The following TTLL8 variants were observed in gnomAD, a reference collection of about 807,000 sequenced individuals.
TTLL8 encodes protein monoglycylase TTLL8.
Under a neutral mutation model 77.8 loss-of-function variants are expected in TTLL8, and 65 were observed. The observed-to-expected ratio is 0.84, with a 90% CI of 0.68 to 1.03. The LOEUF is 1.03. TTLL8 is among the 50% of genes least tolerant of loss of function. The pLI, the probability that TTLL8 is intolerant of heterozygous loss-of-function variation, is 0.00. For synonymous variants in TTLL8, 402 were observed against 422.8 expected (o/e 0.95, Z 0.60); for missense variants, 910 against 1,004.5 (o/e 0.91, Z 1.27).
In TTLL8 at chr22:50,043,237, GGATA is replaced by G. The variant is rs372461866; in HGVS notation, c.644-1434_644-1431del. Among the ~76,000 whole-genome samples the G allele has an allele frequency of 4.8e-3, 724 of 151,500 alleles. 3 individuals carry two copies. The highest frequency in any genetic ancestry group is 0.014 in the Middle Eastern group (4 of 292). ...GGTGCCGACATGTCCTTCAGTAGATGGATAGATAGATAAACAGTGGTGCCGAGAC... is the reference window on the plus strand; with the variant it reads ...GGTGCCGACATGTCCTTCAGTAGATGGATAGATAAACAGTGGTGCCGAGAC... On this transcript the variant is annotated intron_variant, in intron 6 of 13. Coordinates refer to ENST00000266182, the Ensembl canonical transcript of TTLL8.
chr22:50,055,431 A>T (rs1281871509), upstream of TTLL8: 1 of 784,568 alleles, frequency 1.3e-6, no homozygotes, highest in Admixed American at 3.2e-5. Context: ...AGGTGGTTGG[A>T]TCACCTGAGG....
intron 1 of TTLL8, among the ~76,000 whole-genome samples, chr22:50,050,660 C>A (rs1363659036): frequency 1.3e-5 from 2 of 152,154 alleles, no homozygotes; most frequent in Admixed American, 6.5e-5. Flanking sequence ...TTGGCACCAC[C>A]ACCCAGCCCT....
chr22:50,043,098 G>A (rs910098293), intron 6 of TTLL8, among the ~76,000 whole-genome samples: 2 of 151,950 alleles, frequency 1.3e-5, no homozygotes, highest in African/African-American at 4.8e-5. Context: ...GACGTCCTTC[G>A]GTAGATGGAT....
chr22:50,032,432 A>G (rs559479461), intron 10 of TTLL8, among the ~76,000 whole-genome samples: 1 of 152,302 alleles, frequency 6.6e-6, no homozygotes, highest in East Asian at 1.9e-4. Context: ...GACCCCCTCC[A>G]GGCCCACTTG....
intron 12 of TTLL8, among the ~76,000 whole-genome samples, chr22:50,022,139 A>AATG (rs1569218408): frequency 1.6e-5 from 2 of 127,486 alleles, no homozygotes; most frequent in African/African-American, 2.9e-5. Flanking sequence ...TCCATCTGAC[A>AATG]TGCACTCCTC....
At chr22:50,025,498 G>T (rs1378743319) in intron 12 of TTLL8, among the ~76,000 whole-genome samples, 1 of 152,100 alleles carries the variant, frequency 6.6e-6, no homozygotes, top group African/African-American at 2.4e-5. Flanking sequence ...AATTAGCTGG[G>T]CATGGTGGTG....
upstream of TTLL8, among the ~76,000 whole-genome samples, chr22:50,056,386 C>A (rs976664371): frequency 4.6e-5 from 7 of 151,900 alleles, no homozygotes; most frequent in African/African-American, 1.7e-4. The surrounding 1 kb of genome is among the most constrained non-coding windows in gnomAD (Gnocchi z 4.1). Flanking sequence ...GCGAGGACAC[C>A]CACTGCGGGT....
intron 8 of TTLL8, among the ~76,000 whole-genome samples, chr22:50,040,127 C>G (rs1393574008): frequency 1.3e-5 from 2 of 149,724 alleles, no homozygotes; most frequent in Non-Finnish European, 3.0e-5. Flanking sequence ...ACGGACCTCA[C>G]AGACCTCACA....
intron 2 of TTLL8, 23 bp from the exon 5 acceptor site, chr22:50,049,345 G>T (rs761872133): frequency 1.5e-6 from 2 of 1,366,994 alleles, no homozygotes; most frequent in South Asian, 2.3e-5. Flanking sequence ...CACAGGGGAG[G>T]CCTGAACATG....
At chr22:50,040,083 C>G (rs955420815) in intron 8 of TTLL8, among the ~76,000 whole-genome samples, 1 of 127,494 alleles carries the variant, frequency 7.8e-6, no homozygotes, top group East Asian at 2.7e-4. Flanking sequence ...CTCACATGTG[C>G]CAGCATGGAT....
At chr22:50,054,989 G>A (rs553848737), upstream of TTLL8, among the ~76,000 whole-genome samples, 1 of 152,302 alleles carries the variant, frequency 6.6e-6, no homozygotes, top group African/African-American at 2.4e-5. Context: ...GAACCCGGGA[G>A]GCAGAGGTTG....
intron 8 of TTLL8, among the ~76,000 whole-genome samples, chr22:50,035,967 G>T (rs1367543557): frequency 6.6e-6 from 1 of 152,256 alleles, no homozygotes; most frequent in Non-Finnish European, 1.5e-5. Flanking sequence ...AGAAGGCTGT[G>T]AGCAGTGAGG....
intron 8 of TTLL8, among the ~76,000 whole-genome samples, chr22:50,037,527 TC>T (rs1213716021): frequency 1.3e-5 from 2 of 152,342 alleles, no homozygotes; most frequent in African/African-American, 4.8e-5. Flanking sequence ...TAAAAACCTT[TC>T]ACATATATGA....
Position 50,045,251 on chromosome 22 carries a change from G to A in TTLL8, c.643+4C>T, listed in dbSNP as rs778615412. 1.5e-5 allele frequency: 20 copies of A among 1,352,588 alleles called. No homozygotes were observed. Among genetic ancestry groups the A allele is most frequent in the Non-Finnish European group, 2.0e-5 (20 of 1,020,948 alleles). 83.8% of individuals were successfully genotyped at this position (1,352,588 alleles called of 1,614,324 possible). On this transcript the variant is annotated splice_donor_region_variant and intron_variant, in intron 6 of 13. Coordinates refer to ENST00000266182, the Ensembl canonical transcript of TTLL8. The stretch of plus-strand genomic sequence containing the variant: ...TGGCACTGCCCTGCCCCGGCCCAGC[G>A]CACCTTGCCTGCTGCTCAGGTCGCT...
exon 11 of TTLL8, chr22:50,031,702 T>A: frequency 7.6e-7 from 1 of 1,310,998 alleles, no homozygotes; most frequent in Admixed American, 2.1e-5. Flanking sequence ...CCACAGGAGC[T>A]CGAAGTTGCC....
intron 12 of TTLL8, among the ~76,000 whole-genome samples, chr22:50,022,156 A>C (rs1171490895): frequency 8.5e-5 from 8 of 94,624 alleles, no homozygotes; most frequent in African/African-American, 1.3e-4. Flanking sequence ...CCTCCATCTG[A>C]TGACGTGCAC....
At chr22:50,030,262 A>C (rs2061277103) in intron 12 of TTLL8, 168 bp downstream of exon 13, 2 of 984,152 alleles carry the variant, frequency 2.0e-6, no homozygotes, top group Non-Finnish European at 2.4e-6. Context: ...AGGTGCCCCA[A>C]CCCCGCTCCC....
At chr22:50,052,487 C>T (rs929002056) in intron 1 of TTLL8, among the ~76,000 whole-genome samples, 13 of 152,064 alleles carry the variant, frequency 8.5e-5, no homozygotes, top group Non-Finnish European at 1.6e-4. Context: ...ACCAAAGGAA[C>T]GTACTAAATG....
At chr22:50,029,758 C>G (rs1182333528) in intron 12 of TTLL8, among the ~76,000 whole-genome samples, 1 of 151,948 alleles carries the variant, frequency 6.6e-6, no homozygotes, top group Non-Finnish European at 1.5e-5. Context: ...AAGACCCTCT[C>G]GTCATGCTGC....
Sources: gnomAD v4.1 joint callset for allele counts (sites outside exome capture counted in the v4.1 genomes callset) on GRCh38, gnomAD v4.1.1 for gene constraint, Gnocchi (gnomAD v3.1) non-coding constraint, MANE v1.5 for transcripts, NCBI Gene and HGNC (gene_info 2026-07-23, HGNC 2026-07-21) for gene names.